Variants in NR3C2 observed in about 807,000 individuals in gnomAD.
NR3C2 encodes mineralocorticoid receptor.
A neutral mutation model predicts 86.4 loss-of-function variants in NR3C2; 15 were observed. That is an observed-to-expected ratio of 0.17 (90% CI 0.12 to 0.27). NR3C2 has a LOEUF of 0.27. Among genes scored for constraint, NR3C2 ranks in the 10% least tolerant of loss-of-function variants. NR3C2 has a pLI of 1.00. For missense variants in NR3C2, 960 were observed against 1,195.6 expected (o/e 0.80, Z 2.91); for synonymous variants, 458 against 450.5 (o/e 1.02, Z -0.21).
chr4:148,189,331 C>T (rs1736088909), intron 4 of NR3C2, among the ~76,000 whole-genome samples: 1 of 152,148 alleles, frequency 6.6e-6, no homozygotes, highest in Non-Finnish European at 1.5e-5. Flanking sequence ...GTTTATGTAA[C>T]ATATCACATT....
intron 3 of NR3C2, among the ~76,000 whole-genome samples, chr4:148,252,054 T>C (rs1455308498): frequency 6.6e-6 from 1 of 152,286 alleles, no homozygotes; most frequent in Non-Finnish European, 1.5e-5. Flanking sequence ...TCCTTCTTAC[T>C]GGGTGACCTT....
intron 2 of NR3C2, among the ~76,000 whole-genome samples, chr4:148,336,102 C>T (rs944564473): frequency 2.8e-4 from 42 of 152,136 alleles, no homozygotes; most frequent in Non-Finnish European, 2.9e-4. Flanking sequence ...CAGAGAGAGC[C>T]GTCCCTCACA....
intron 2 of NR3C2, among the ~76,000 whole-genome samples, chr4:148,433,638 T>C (rs1034184371): frequency 1.3e-5 from 2 of 152,170 alleles, no homozygotes; most frequent in African/African-American, 4.8e-5. Flanking sequence ...CCTTATACAG[T>C]TGAGAAAACT....
intron 4 of NR3C2, among the ~76,000 whole-genome samples, chr4:148,162,295 AG>A (rs1734696053): frequency 6.6e-6 from 1 of 152,184 alleles, no homozygotes; most frequent in Non-Finnish European, 1.5e-5. Flanking sequence ...GATGCTTCTG[AG>A]GTTCTTCTGG....
At chr4:148,291,684 T>C (rs537801073) in intron 2 of NR3C2, among the ~76,000 whole-genome samples, 3 of 152,190 alleles carry the variant, frequency 2.0e-5, no homozygotes, top group East Asian at 3.9e-4. Flanking sequence ...GAGTTTCCCA[T>C]TGAGCAAATA....
intron 3 of NR3C2, among the ~76,000 whole-genome samples, chr4:148,242,039 G>T (rs182166172): frequency 6.6e-6 from 1 of 152,256 alleles, no homozygotes; most frequent in East Asian, 1.9e-4. Context: ...ACAGGGGCTG[G>T]GGGGAAGAGG....
chr4:148,379,806 T>C (rs973140196), intron 2 of NR3C2, among the ~76,000 whole-genome samples: 1 of 151,940 alleles, frequency 6.6e-6, no homozygotes, highest in Non-Finnish European at 1.5e-5. Flanking sequence ...ACATTAAACC[T>C]GGCCTCTGAT....
At chr4:148,320,630 T>C (rs1024326418) in intron 2 of NR3C2, among the ~76,000 whole-genome samples, 12 of 151,528 alleles carry the variant, frequency 7.9e-5, no homozygotes, top group Non-Finnish European at 1.3e-4. Flanking sequence ...GAAGAAGTTA[T>C]CCATTTCTTC....
intron 2 of NR3C2, among the ~76,000 whole-genome samples, chr4:148,398,890 A>G (rs1747996774): frequency 6.6e-6 from 1 of 152,208 alleles, no homozygotes; most frequent in Non-Finnish European, 1.5e-5. Flanking sequence ...TGTTTGAATG[A>G]GAGCGAGGGG....
chr4:148,154,773 T>C lies in NR3C2; in HGVS notation c.2143A>G (p.Lys715Glu), dbSNP rs1734273731. 4.4e-6 allele frequency: 6 copies of C among 1,362,726 alleles called. No homozygotes were observed. Among genetic ancestry groups the C allele is most frequent in the South Asian group, 1.1e-5 (1 of 87,810 alleles). 84.4% of individuals were successfully genotyped at this position (1,362,726 alleles called of 1,614,324 possible). A position where few individuals can be genotyped will look rare whatever the true frequency, so the allele number is the denominator to read the frequency against. Residue 715 changes from lysine (K) to glutamate (E), a missense_variant, in exon 5 of 9, where the codon AAA (lysine) becomes GAA (glutamate). Physicochemically the swap from Lys to Glu is moderately conservative, Grantham distance 56 (BLOSUM62 1). Around this residue, in one of 4 missense-constraint regions of NR3C2, gnomAD observed 82 missense variants for 73.0 expected, o/e 1.12. Coordinates refer to ENST00000358102, the MANE Select transcript of NR3C2 (RefSeq NM_000901.5). ...AGTGCTGTGTTGACCGAGGGTTCTT[T>C]TGCAGGAGCGATGTACGTTGTCCCT... Reference protein sequence around the residue: ...EEGTTYIAPAKEPSVNTALVP... With the variant: ...EEGTTYIAPAEEPSVNTALVP...
chr4:148,333,550 T>A (rs905138717), intron 2 of NR3C2, among the ~76,000 whole-genome samples: 2 of 128,676 alleles, frequency 1.6e-5, no homozygotes, highest in Non-Finnish European at 3.5e-5. Context: ...ATCTCCCTAG[T>A]GATTGGAGAA....
intron 2 of NR3C2, among the ~76,000 whole-genome samples, chr4:148,296,202 ATTATT>A (rs1412185017): frequency 2.0e-5 from 3 of 152,086 alleles, no homozygotes; most frequent in African/African-American, 7.2e-5. Context: ...ATTTTAAAAG[ATTATT>A]TTAAGAATGA....
At chr4:148,194,930 T>C (rs1736372028) in intron 3 of NR3C2, 68 bp from the exon 4 acceptor site, 22 of 1,114,926 alleles carry the variant, frequency 2.0e-5, no homozygotes, top group Non-Finnish European at 3.0e-5. Flanking sequence ...ATATGTATAC[T>C]CAGAATATAA....
intron 2 of NR3C2, among the ~76,000 whole-genome samples, chr4:148,316,191 T>A (rs1743162523): frequency 6.6e-6 from 1 of 151,622 alleles, no homozygotes; most frequent in South Asian, 2.1e-4. Flanking sequence ...TGGTCTCACT[T>A]ATATGCAATG....
At chr4:148,159,319 A>AT (rs1171768336) in intron 4 of NR3C2, among the ~76,000 whole-genome samples, 6 of 152,206 alleles carry the variant, frequency 3.9e-5, no homozygotes, top group Non-Finnish European at 7.3e-5. Flanking sequence ...AGCTTCTGAG[A>AT]TTTTATGATA....
rs149994090 is a variant in NR3C2 at position 148,377,721 on chromosome 4, T to G, written c.1757+57383A>C. Among the ~76,000 whole-genome samples, 870 of 152,226 alleles carry G rather than the reference T, an allele frequency of 5.7e-3. 2 individuals are homozygous for G. Among genetic ancestry groups the G allele is most frequent in the Non-Finnish European group, 9.3e-3 (635 of 67,996 alleles). ...ATCTCATGGGAGCTTGAATACTAAG[T>G]AGAGGAATCACCAAGGCAATGTCAG... On this transcript the variant is annotated intron_variant, in intron 2 of 8. Coordinates refer to ENST00000358102, the MANE Select transcript of NR3C2 (RefSeq NM_000901.5).
At chr4:148,095,861 T>G (rs1008453762) in intron 8 of NR3C2, among the ~76,000 whole-genome samples, 1 of 152,170 alleles carries the variant, frequency 6.6e-6, no homozygotes, top group African/African-American at 2.4e-5. Context: ...TTCTGAAAAC[T>G]CATCCCGGCC....
At chr4:148,429,244 T>A (rs978181001) in intron 2 of NR3C2, among the ~76,000 whole-genome samples, 8 of 152,180 alleles carry the variant, frequency 5.3e-5, no homozygotes, top group African/African-American at 1.9e-4. Context: ...CGAGCCAAAT[T>A]TCAGTTTCAT....
intron 4 of NR3C2, among the ~76,000 whole-genome samples, chr4:148,174,325 T>C (rs893069675): frequency 6.6e-6 from 1 of 152,130 alleles, no homozygotes; most frequent in African/African-American, 2.4e-5. Flanking sequence ...TCTTCACCCA[T>C]AAAACACCTG....
Sources: allele counts gnomAD v4.1 joint callset (sites outside exome capture counted in the v4.1 genomes callset), GRCh38; gene constraint gnomAD v4.1.1; regional missense constraint gnomAD v4.1.1; transcripts MANE v1.5; gene names NCBI Gene and HGNC (gene_info 2026-07-23, HGNC 2026-07-21).